Variants in FAM177B observed in about 807,000 individuals in gnomAD.
FAM177B encodes the protein family with sequence similarity 177 member B.
In FAM177B, 16 loss-of-function variants were observed where a neutral mutation model predicts 16.1. The observed-to-expected ratio is 0.99, with a 90% CI of 0.67 to 1.51. The LOEUF is 1.51. Ranked by LOEUF, FAM177B falls within the 40% of genes most tolerant of loss-of-function variation. The probability of loss-of-function intolerance (pLI) is 0.00; values close to 1 mark genes in which losing one functional copy is unlikely to be tolerated. For missense variants in FAM177B, 178 were observed against 183.7 expected, an observed-to-expected ratio of 0.97 and a Z score of 0.18; for synonymous variants, 56 against 59.9, an observed-to-expected ratio of 0.93 and a Z score of 0.30.
intron 2 of FAM177B, among the ~76,000 whole-genome samples, chr1:222,738,498 C>T (rs1021899987): frequency 6.9e-6 from 1 of 144,036 alleles, no homozygotes; most frequent in South Asian, 2.2e-4. Context: ...GCAGGAGGAT[C>T]GCTTGAGTCC....
chr1:222,747,659 A>G (rs1335037876), intron 4 of FAM177B, among the ~76,000 whole-genome samples: 2 of 152,154 alleles, frequency 1.3e-5, no homozygotes, highest in East Asian at 3.9e-4. Context: ...CTAATTACTC[A>G]TTTCCTTCTA....
Position 222,750,191 on chromosome 1 carries a change from G to A in FAM177B, c.*133G>A. On this transcript the variant is annotated 3_prime_UTR_variant, in exon 6 of 6. Transcript: ENST00000445590. ...CACCAGAGGTAGCACTTCTGAGCCA[G>A]ATCTGATCCTAATCTCTGTGTGACT... 1 of 1,476,618 alleles carries A rather than the reference G, an allele frequency of 6.8e-7. No individual in the cohort carries two copies. The highest frequency in any genetic ancestry group is 8.9e-7 in the Non-Finnish European group (1 of 1,119,318). The allele number at this position is 1,476,618 out of a possible 1,614,324, so 91.5% of individuals were successfully genotyped here. A position where few individuals can be genotyped will look rare whatever the true frequency, so the allele number is the denominator to read the frequency against.
intron 4 of FAM177B, among the ~76,000 whole-genome samples, chr1:222,748,303 G>C (rs541781398): frequency 1.3e-5 from 2 of 152,294 alleles, no homozygotes; most frequent in East Asian, 3.9e-4. Flanking sequence ...TTTAGAGGGA[G>C]GGAATTGGAG....
intron 2 of FAM177B, among the ~76,000 whole-genome samples, chr1:222,738,526 C>T (rs1658384631): frequency 8.3e-6 from 1 of 120,156 alleles, no homozygotes; most frequent in Non-Finnish European, 1.6e-5. Flanking sequence ...CAAGACCAGC[C>T]TGGGCAATAT....
At chr1:222,745,862 C>T (rs916864856) in intron 2 of FAM177B, among the ~76,000 whole-genome samples, 1 of 152,002 alleles carries the variant, frequency 6.6e-6, no homozygotes, top group African/African-American at 2.4e-5. Flanking sequence ...TGCGGTGAGC[C>T]GAGATCACGC....
intron 2 of FAM177B, among the ~76,000 whole-genome samples, chr1:222,740,023 ACTT>A (rs1234231779): frequency 6.6e-6 from 1 of 152,020 alleles, no homozygotes; most frequent in Non-Finnish European, 1.5e-5. Context: ...ACCTCTTCCT[ACTT>A]CTTACTGAGG....
intron 2 of FAM177B, among the ~76,000 whole-genome samples, chr1:222,741,905 CCTCTCTCTCTCTCT>C (rs71175184): frequency 1.8e-4 from 14 of 77,958 alleles, no homozygotes; most frequent in Non-Finnish European, 2.8e-4. Context: ...TCCCTCCCTC[CCTCTCTCTCTCTCT>C]CTCTCTCTCT....
At position 222,750,467 on chromosome 1, in the gene FAM177B, C is replaced by A. The variant is rs1572014892; in HGVS notation, c.*409C>A. The A allele has an allele frequency of 1.0e-6, 1 of 994,212 alleles. No individual in the cohort carries two copies. The highest frequency in any genetic ancestry group is 1.2e-6 in the Non-Finnish European group (1 of 836,180). 61.6% of individuals were successfully genotyped at this position (994,212 alleles called of 1,614,324 possible). A position where few individuals can be genotyped will look rare whatever the true frequency, so the allele number is the denominator to read the frequency against. ...TATTCCTCAGAAGAAAATTTGGGCA[C>A]CGCAAAGTCTAAATAAATCCCCTTT... On this transcript the variant is annotated 3_prime_UTR_variant, in exon 6 of 6. Transcript: ENST00000445590.
rs1356349687 is a variant in FAM177B at position 222,738,023 on chromosome 1, TA to T, written c.-16+5del. Reference sequence around the variant, plus strand: ...GAGAAGGCTGCCAGAAGAGTAGAGGTAAATGTGTGAGTATGTGTGTGTTGGG... The same window carrying T: ...GAGAAGGCTGCCAGAAGAGTAGAGGTAATGTGTGAGTATGTGTGTGTTGGG... On this transcript the variant is annotated splice_donor_region_variant and intron_variant, in intron 2 of 5. Transcript: ENST00000445590. The T allele has an allele frequency of 6.6e-6, 1 of 151,934 alleles. No homozygotes were observed. The highest frequency in any genetic ancestry group is 2.4e-5 in the African/African-American group (1 of 41,308). The allele number at this position is 151,934 out of a possible 1,614,324, so 9.4% of individuals were successfully genotyped here.
At chr1:222,749,378 C>T in intron 4 of FAM177B, 87 bp from the exon 5 acceptor site, 2 of 719,644 alleles carry the variant, frequency 2.8e-6, no homozygotes, top group Non-Finnish European at 4.8e-6. Context: ...ACTATACTAT[C>T]AGAATAGTTT....
At chr1:222,741,635 CA>C (rs771743610) in intron 2 of FAM177B, among the ~76,000 whole-genome samples, 1 of 151,820 alleles carries the variant, frequency 6.6e-6, no homozygotes, top group Non-Finnish European at 1.5e-5. Context: ...CAGACTCAAG[CA>C]AGTCTGTCAG....
intron 2 of FAM177B, among the ~76,000 whole-genome samples, chr1:222,741,907 T>TCCCTCC (rs1357508903): frequency 1.5e-4 from 2 of 13,024 alleles, no homozygotes; most frequent in East Asian, 3.6e-3. Flanking sequence ...CCTCCCTCCC[T>TCCCTCC]CTCTCTCTCT....
At chr1:222,743,186 C>T (rs986094440) in intron 2 of FAM177B, among the ~76,000 whole-genome samples, 7 of 152,070 alleles carry the variant, frequency 4.6e-5, no homozygotes, top group African/African-American at 1.4e-4. Context: ...CTCACTCTGC[C>T]GCCCAGGCTG....
intron 2 of FAM177B, among the ~76,000 whole-genome samples, chr1:222,742,306 A>G (rs1658590873): frequency 6.6e-6 from 1 of 152,220 alleles, no homozygotes; most frequent in South Asian, 2.1e-4. Context: ...ACTTTATTGT[A>G]CACTTCATTG....
intron 2 of FAM177B, among the ~76,000 whole-genome samples, chr1:222,741,666 G>A (rs1658538783): frequency 6.6e-6 from 1 of 151,532 alleles, no homozygotes; most frequent in Admixed American, 6.6e-5. Flanking sequence ...CCAAGTAGCT[G>A]GAACAACAGG....
chr1:222,747,139 C>T (rs1658838475), intron 4 of FAM177B, 58 bp downstream of exon 4: 5 of 1,161,598 alleles, frequency 4.3e-6, no homozygotes, highest in Admixed American at 3.4e-5. Flanking sequence ...ATCGATAGGC[C>T]CTCAGAGTAT....
chr1:222,748,873 T>C (rs1003025142), intron 4 of FAM177B: 1 of 357,586 alleles, frequency 2.8e-6, no homozygotes, highest in Non-Finnish European at 5.7e-6. Flanking sequence ...AATCCTCTAA[T>C]TGTAAAGGAA....
chr1:222,750,105 G>A lies in FAM177B; in HGVS notation c.*47G>A, dbSNP rs753462216. On this transcript the variant is annotated 3_prime_UTR_variant, in exon 6 of 6. Coordinates refer to ENST00000445590, the MANE Select transcript of FAM177B (RefSeq NM_001394345.1). ...CTGGTGGCAGATCCTAGCTCATGAT[G>A]GCAGCAAAGACTGCAGTTTCCCTGG... The A allele has an allele frequency of 6.3e-7, 1 of 1,592,214 alleles. No individual in the cohort carries two copies. Among genetic ancestry groups the A allele is most frequent in the South Asian group, 1.1e-5 (1 of 88,762 alleles).
At position 222,742,844 on chromosome 1, in the gene FAM177B, T is replaced by C. The variant is rs149407183; in HGVS notation, c.-15-3687T>C. 3.0e-3 allele frequency among the ~76,000 whole-genome samples: 457 copies of C among 152,272 alleles called. 2 individuals carry two copies. The highest frequency in any genetic ancestry group is 0.01 in the African/African-American group (435 of 41,562). On this transcript the variant is annotated intron_variant, in intron 2 of 5. Coordinates refer to ENST00000445590, the MANE Select transcript of FAM177B (RefSeq NM_001394345.1). ...TGCAATTTGTTCTTTTCCAAGTCAGTCTTCTTTCGGGATATTGTATTTTGC... is the reference window on the plus strand; with the variant it reads ...TGCAATTTGTTCTTTTCCAAGTCAGCCTTCTTTCGGGATATTGTATTTTGC...
Sources: allele counts gnomAD v4.1 joint callset (sites outside exome capture counted in the v4.1 genomes callset), GRCh38; gene constraint gnomAD v4.1.1; transcripts MANE v1.5; gene names NCBI Gene and HGNC (gene_info 2026-07-23, HGNC 2026-07-21).